KLHL13: variants seen among roughly 807,000 people sequenced by gnomAD.
KLHL13 encodes kelch like family member 13.
KLHL13 carries 10 observed loss-of-function variants against 37.1 expected under a neutral mutation model. The observed-to-expected ratio is 0.27, with a 90% confidence interval of 0.17 to 0.46. The LOEUF is 0.46. KLHL13 is among the 20% of genes least tolerant of loss of function. The pLI, the probability that KLHL13 is intolerant of heterozygous loss-of-function variation, is 1.00. For synonymous variants in KLHL13, 163 were observed against 181.2 expected (o/e 0.90, Z 0.81); for missense variants, 360 against 509.3 (o/e 0.71, Z 2.82).
intron 1 of KLHL13, among the ~76,000 whole-genome samples, chrX:118,096,158 T>C (rs2055203458): frequency 9.0e-6 from 1 of 111,149 alleles, no homozygotes; most frequent in South Asian, 3.8e-4. Context: ...TTTGAAAAGA[T>C]CATCAAAATT....
chrX:117,905,238 G>A (rs917769774), intron 5 of KLHL13, among the ~76,000 whole-genome samples: 7 of 111,694 alleles, frequency 6.3e-5, no homozygotes, highest in African/African-American at 2.3e-4. Flanking sequence ...TTCATTATTT[G>A]AAACCTTAAC....
At chrX:117,980,282 C>A (rs1232123174) in intron 1 of KLHL13, among the ~76,000 whole-genome samples, 1 of 111,287 alleles carries the variant, frequency 9.0e-6, no homozygotes, top group African/African-American at 3.3e-5. Context: ...AAAGACATGC[C>A]AGTTACAGAA....
intron 2 of KLHL13, among the ~76,000 whole-genome samples, chrX:117,932,912 G>C (rs1229648971): frequency 9.0e-6 from 1 of 111,606 alleles, no homozygotes; most frequent in Non-Finnish European, 1.9e-5. Context: ...CATTCTAACT[G>C]AGATGAGATG....
intron 1 of KLHL13, among the ~76,000 whole-genome samples, chrX:118,006,457 C>A (rs146927103): frequency 0.054 from 6,013 of 111,026 alleles, 400 homozygotes; most frequent in African/African-American, 0.18. Flanking sequence ...ATGATCTCAC[C>A]TTTGAATATC....
chrX:117,943,647 A>G (rs1933166034), intron 2 of KLHL13, among the ~76,000 whole-genome samples: 2 of 107,005 alleles, frequency 1.9e-5, no homozygotes, highest in African/African-American at 3.5e-5. Flanking sequence ...ATGCTTCATG[A>G]AGTCCTCATG....
intron 2 of KLHL13, among the ~76,000 whole-genome samples, chrX:117,931,604 A>G (rs1213496648): frequency 8.9e-6 from 1 of 112,406 alleles, no homozygotes; most frequent in East Asian, 2.8e-4. Context: ...ATTCCAAACT[A>G]TCTTTTAGCC....
At chrX:118,004,410 T>C (rs2053958828) in intron 1 of KLHL13, among the ~76,000 whole-genome samples, 1 of 111,735 alleles carries the variant, frequency 8.9e-6, no homozygotes, top group Non-Finnish European at 1.9e-5. Context: ...AAAGGAACCA[T>C]GATGCCTGAT....
chrX:118,085,576 A>ATTCTCCTCCCAATCTCCCTCC (rs1315372853), intron 1 of KLHL13, among the ~76,000 whole-genome samples: 4 of 109,926 alleles, frequency 3.6e-5, no homozygotes, highest in Non-Finnish European at 7.6e-5. Context: ...TTCATCCCTC[A>ATTCTCCTCCCAATCTCCCTCC]TTCTCCTCCC....
chrX:117,984,795 T>C (rs1390465155), intron 1 of KLHL13, among the ~76,000 whole-genome samples: 2 of 110,836 alleles, frequency 1.8e-5, no homozygotes, highest in African/African-American at 6.5e-5. Flanking sequence ...TGCTTTAAAA[T>C]GCATCAAAAT....
At chrX:118,102,606 C>T (rs1199076640) in intron 1 of KLHL13, among the ~76,000 whole-genome samples, 3 of 112,113 alleles carry the variant, frequency 2.7e-5, no homozygotes, top group African/African-American at 9.7e-5. Flanking sequence ...AGAAGGTAGT[C>T]ACTAATTTCT....
intron 5 of KLHL13, 119 bp downstream of exon 6, chrX:117,909,182 T>C (rs1930798909): frequency 3.2e-6 from 2 of 634,454 alleles, no homozygotes; most frequent in Admixed American, 4.3e-5. Context: ...AGAAAAATAG[T>C]TTTAAAATAA....
At chrX:117,970,825 A>T (rs2053511221) in intron 1 of KLHL13, among the ~76,000 whole-genome samples, 1 of 111,956 alleles carries the variant, frequency 8.9e-6, no homozygotes, top group African/African-American at 3.2e-5. Flanking sequence ...ACATAAAAAG[A>T]AAAATAAGTT....
At chrX:118,049,990 G>C (rs753664518) in intron 1 of KLHL13, among the ~76,000 whole-genome samples, 10 of 112,504 alleles carry the variant, frequency 8.9e-5, no homozygotes, top group Non-Finnish European at 1.5e-4. Context: ...GTTGGCTATA[G>C]GTATACACCA....
Position 117,937,965 on chromosome X carries a change from G to A in KLHL13, c.240+7469C>T, listed in dbSNP as rs141641784. Among the ~76,000 whole-genome samples, 891 of 111,738 alleles carry A rather than the reference G, an allele frequency of 8.0e-3. 7 individuals carry two copies. Among genetic ancestry groups the A allele is most frequent in the African/African-American group, 0.028 (858 of 30,849 alleles). ...ACGTCTATATAGATTTCTTTATTCT[G>A]GACATTTCATACAAATGGAATCACA... is the stretch of plus-strand genomic sequence containing the variant. On this transcript the variant is annotated intron_variant, in intron 2 of 6. Transcript: ENST00000262820.
intron 1 of KLHL13, among the ~76,000 whole-genome samples, chrX:118,053,797 G>GAGAGAGAGAGAGAGGAGA (rs1421103239): frequency 8.9e-5 from 5 of 56,152 alleles, no homozygotes; most frequent in African/African-American, 4.0e-4. Flanking sequence ...GTGTGTGTGT[G>GAGAGAGAGAGAGAGGAGA]TGAGAGAGAG....
chrX:118,061,264 G>A (rs2054738567), intron 1 of KLHL13, among the ~76,000 whole-genome samples: 1 of 111,841 alleles, frequency 8.9e-6, no homozygotes, highest in South Asian at 3.7e-4. Flanking sequence ...TTGGAAATGT[G>A]TTGGGGTACT....
chrX:117,965,656 T>C (rs1273962552), intron 1 of KLHL13, among the ~76,000 whole-genome samples: 2 of 111,268 alleles, frequency 1.8e-5, no homozygotes, highest in African/African-American at 6.5e-5. Context: ...AAATCCTCAA[T>C]AAAATACTGG....
chrX:117,967,746 T>A (rs2516003), intron 1 of KLHL13, among the ~76,000 whole-genome samples: 2,314 of 111,829 alleles, frequency 0.021, 72 homozygotes, highest in African/African-American at 0.07. Context: ...GAGGTCTTTT[T>A]AAAAAATACA....
intron 1 of KLHL13, among the ~76,000 whole-genome samples, chrX:118,110,648 A>G (rs767519661): frequency 2.7e-5 from 3 of 111,317 alleles, no homozygotes; most frequent in Non-Finnish European, 5.7e-5. Context: ...AAGTGCTGGT[A>G]TTACAGGCGT....
Sources: gnomAD v4.1 joint callset for allele counts (sites outside exome capture counted in the v4.1 genomes callset) on GRCh38, gnomAD v4.1.1 for gene constraint, MANE v1.5 for transcripts, NCBI Gene and HGNC (gene_info 2026-07-23, HGNC 2026-07-21) for gene names.